Variants in ARHGEF4 observed in about 807,000 individuals in gnomAD.
ARHGEF4 encodes the protein APC-stimulated guanine nucleotide exchange factor 1.
ARHGEF4 carries 119 observed loss-of-function variants against 162.0 expected under a neutral mutation model. The ratio of observed to expected loss-of-function variants is 0.73; its 90% CI spans 0.63 to 0.86. The LOEUF (loss-of-function observed/expected upper bound fraction) is 0.86, where lower values mean the gene tolerates loss of function less well. Among genes scored for constraint, ARHGEF4 ranks in the 40% least tolerant of loss-of-function variants. The probability of loss-of-function intolerance (pLI) is 0.00; values close to 1 mark genes in which losing one functional copy is unlikely to be tolerated. For missense variants in ARHGEF4, 2,488 were observed against 2,456.0 expected (o/e 1.01, Z -0.28); for synonymous variants, 1,014 against 979.9 (o/e 1.03, Z -0.65).
intron 1 of ARHGEF4, among the ~76,000 whole-genome samples, chr2:130,882,716 G>A (rs1275791071): frequency 6.6e-6 from 1 of 151,748 alleles, no homozygotes; most frequent in East Asian, 1.9e-4. Flanking sequence ...CAGACGCAGG[G>A]GACTTCACCC....
intron 1 of ARHGEF4, among the ~76,000 whole-genome samples, chr2:130,846,853 T>A (rs935337137): frequency 5.3e-5 from 8 of 152,172 alleles, no homozygotes; most frequent in African/African-American, 1.9e-4. Context: ...TGATTCATCG[T>A]GAGGTGGAAG....
chr2:131,038,032 T>A (rs987876389), intron 5 of ARHGEF4, among the ~76,000 whole-genome samples: 1 of 152,074 alleles, frequency 6.6e-6, no homozygotes, highest in Non-Finnish European at 1.5e-5. Context: ...TGCTGGCATC[T>A]CTGGGGCTTG....
At chr2:130,837,242 G>A (rs1482327666) in intron 1 of ARHGEF4, among the ~76,000 whole-genome samples, 1 of 152,114 alleles carries the variant, frequency 6.6e-6, no homozygotes, top group Admixed American at 6.5e-5. Flanking sequence ...ACGGCGGCCC[G>A]GGGCGAGCCC....
At chr2:130,947,171 G>C (rs576308661) in intron 4 of ARHGEF4, 4 of 153,528 alleles carry the variant, frequency 2.6e-5, no homozygotes, top group African/African-American at 9.7e-5. Context: ...CAGAGGTTGC[G>C]GTGAGCCAAG....
chr2:130,847,684 C>A (rs1456784474), intron 1 of ARHGEF4, among the ~76,000 whole-genome samples: 1 of 152,216 alleles, frequency 6.6e-6, no homozygotes, highest in Non-Finnish European at 1.5e-5. Context: ...TCCTGTCCTT[C>A]CCTGGGTCCA....
chr2:130,965,888 G>A (rs1684969145), intron 4 of ARHGEF4, among the ~76,000 whole-genome samples: 1 of 152,202 alleles, frequency 6.6e-6, no homozygotes, highest in Admixed American at 6.5e-5. Flanking sequence ...GGAGCAGGGG[G>A]TGGGGAAGGA....
At chr2:130,896,504 C>T (rs17782666) in intron 1 of ARHGEF4, among the ~76,000 whole-genome samples, 5,516 of 152,266 alleles carry the variant, frequency 0.036, 126 homozygotes, top group Middle Eastern at 0.068. Flanking sequence ...CACTATGTTC[C>T]GGGCGCCTAG....
chr2:131,039,081 A>C, intron 6 of ARHGEF4, 49 bp downstream of exon 6: 1 of 1,541,288 alleles, frequency 6.5e-7, no homozygotes. Flanking sequence ...ATAAAAAGCT[A>C]CCTGGTTCTG....
intron 5 of ARHGEF4, among the ~76,000 whole-genome samples, chr2:131,029,853 C>T (rs548846442): frequency 6.6e-6 from 1 of 152,358 alleles, no homozygotes; most frequent in South Asian, 2.1e-4. Flanking sequence ...CACACTCGGC[C>T]AGTTGTACTT....
At chr2:130,939,044 C>T (rs908354072) in intron 3 of ARHGEF4, among the ~76,000 whole-genome samples, 7 of 152,170 alleles carry the variant, frequency 4.6e-5, no homozygotes, top group African/African-American at 1.4e-4. Context: ...TTTCAGTCCT[C>T]ACCCTCCTCC....
At chr2:130,896,816 C>T (rs1285124072) in intron 1 of ARHGEF4, among the ~76,000 whole-genome samples, 1 of 152,148 alleles carries the variant, frequency 6.6e-6, no homozygotes, top group East Asian at 1.9e-4. Context: ...GAGCAGGGTC[C>T]GTGTCTCAGA....
chr2:130,966,780 A>G (rs764972516), intron 4 of ARHGEF4, among the ~76,000 whole-genome samples: 1 of 152,240 alleles, frequency 6.6e-6, no homozygotes, highest in Non-Finnish European at 1.5e-5. Flanking sequence ...CCTATTTGCA[A>G]AGCAAAGAAA....
intron 1 of ARHGEF4, among the ~76,000 whole-genome samples, chr2:130,899,233 T>A (rs1010755891): frequency 6.6e-6 from 1 of 152,216 alleles, no homozygotes; most frequent in Non-Finnish European, 1.5e-5. Flanking sequence ...TTCATGGGCA[T>A]GATACCAGGA....
rs200208797 is a variant in ARHGEF4 at position 130,988,883 on chromosome 2, TATATATATATATATATATAGAGAGAG to T, written c.3986-39060_3986-39035del. On this transcript the variant is annotated intron_variant, in intron 4 of 13. Transcript: ENST00000409359. ...GTGTGTGTGTGTGTGTATATATATATATATATATATATATATATAGAGAGAGAGAGAGAGAGAGAGAGAGAGAGAGA... is the reference window on the plus strand; with the variant it reads ...GTGTGTGTGTGTGTGTATATATATATAGAGAGAGAGAGAGAGAGAGAGAGA... 0.017 allele frequency among the ~76,000 whole-genome samples: 914 copies of T among 53,980 alleles called. 16 individuals are homozygous for T. In the East Asian group the frequency reaches 0.18, roughly 11 times the overall value. 35.4% of individuals were successfully genotyped at this position (53,980 alleles called of 152,430 possible).
intron 4 of ARHGEF4, chr2:130,964,249 G>C: frequency 3.0e-6 from 3 of 985,766 alleles, no homozygotes; most frequent in Non-Finnish European, 3.6e-6. Context: ...GGCCACCGCC[G>C]GTAAGGACGC....
intron 1 of ARHGEF4, among the ~76,000 whole-genome samples, chr2:130,842,744 C>T (rs1680691348): frequency 1.3e-5 from 2 of 152,178 alleles, no homozygotes; most frequent in Admixed American, 1.3e-4. Context: ...AGTCCCAGCT[C>T]TCCTCCCCAC....
intron 3 of ARHGEF4, among the ~76,000 whole-genome samples, chr2:130,939,827 A>T (rs1683183775): frequency 6.6e-6 from 1 of 152,156 alleles, no homozygotes; most frequent in Admixed American, 6.5e-5. Flanking sequence ...ATACTTTTGT[A>T]TTTAATTTTC....
At chr2:130,948,085 T>C (rs999606776) in intron 4 of ARHGEF4, among the ~76,000 whole-genome samples, 31 of 152,132 alleles carry the variant, frequency 2.0e-4, no homozygotes, top group African/African-American at 7.0e-4. Context: ...AAAGCCAGTG[T>C]GGTGAGGCAG....
At chr2:130,946,398 T>G in intron 3 of ARHGEF4, 111 bp from the exon 4 acceptor site, 1 of 1,372,074 alleles carries the variant, frequency 7.3e-7, no homozygotes, top group Non-Finnish European at 9.8e-7. Flanking sequence ...TTTGGTTGTG[T>G]GCTCTGTTCA....
Sources: gnomAD v4.1 joint callset for allele counts (sites outside exome capture counted in the v4.1 genomes callset) on GRCh38, gnomAD v4.1.1 for gene constraint, MANE v1.5 for transcripts, NCBI Gene and HGNC (gene_info 2026-07-23, HGNC 2026-07-21) for gene names.